The following SPTLC2 variants were observed in gnomAD, a reference collection of about 807,000 sequenced individuals.
The protein encoded by SPTLC2 is serine palmitoyltransferase long chain base subunit 2, also known as serine palmitoyltransferase 2.
In SPTLC2, 21 loss-of-function variants were observed where a neutral mutation model predicts 62.0. That is an observed-to-expected ratio of 0.34 (90% confidence interval 0.24 to 0.49). SPTLC2 has a LOEUF of 0.49. Ranked by LOEUF, SPTLC2 falls within the 20% of genes least tolerant of loss-of-function variation. The probability of loss-of-function intolerance (pLI) is 0.99; values close to 1 mark genes in which losing one functional copy is unlikely to be tolerated. For synonymous variants in SPTLC2, 261 were observed against 261.8 expected (o/e 1.00, Z 0.03); for missense variants, 511 against 713.0 (o/e 0.72, Z 3.23).
At chr14:77,560,697 T>C (rs2079610044) in intron 6 of SPTLC2, among the ~76,000 whole-genome samples, 3 of 151,888 alleles carry the variant, frequency 2.0e-5, no homozygotes, top group Non-Finnish European at 4.4e-5. Context: ...AATGAGATCA[T>C]GTCCTTTGCA....
At chr14:77,555,201 C>T (rs774513520) in intron 8 of SPTLC2, 99 bp downstream of exon 8, 104 of 1,421,870 alleles carry the variant, frequency 7.3e-5, no homozygotes, top group Non-Finnish European at 9.3e-5. Context: ...GGCAAATTTG[C>T]GGACATCCCA....
chr14:77,598,671 C>T (rs917747197), intron 1 of SPTLC2, among the ~76,000 whole-genome samples: 1 of 152,192 alleles, frequency 6.6e-6, no homozygotes, highest in African/African-American at 2.4e-5. Flanking sequence ...GTGGCGCATG[C>T]CTGTAATCCT....
chr14:77,608,901 G>T (rs566144341), intron 1 of SPTLC2, among the ~76,000 whole-genome samples: 1 of 147,270 alleles, frequency 6.8e-6, no homozygotes, highest in African/African-American at 2.5e-5. Flanking sequence ...CTGGGTGACA[G>T]ATTGAGGCTC....
intron 2 of SPTLC2, among the ~76,000 whole-genome samples, chr14:77,586,202 A>T (rs1190588178): frequency 6.6e-6 from 1 of 151,628 alleles, no homozygotes; most frequent in Non-Finnish European, 1.5e-5. Flanking sequence ...CAGCCTCTCA[A>T]GTAGTTGGGA....
intron 2 of SPTLC2, among the ~76,000 whole-genome samples, chr14:77,584,941 C>T (rs142320780): frequency 6.6e-6 from 1 of 152,356 alleles, no homozygotes; most frequent in Non-Finnish European, 1.5e-5. Context: ...TTTGCACCAG[C>T]GTAGGAGGCA....
At chr14:77,610,090 G>T (rs1047793658) in intron 1 of SPTLC2, among the ~76,000 whole-genome samples, 1 of 152,024 alleles carries the variant, frequency 6.6e-6, no homozygotes, top group Non-Finnish European at 1.5e-5. Flanking sequence ...TTAATACCTG[G>T]TTTATTATTT....
chr14:77,538,564 T>A (rs2079482845), intron 9 of SPTLC2, among the ~76,000 whole-genome samples: 1 of 152,150 alleles, frequency 6.6e-6, no homozygotes, highest in Non-Finnish European at 1.5e-5. Flanking sequence ...TAGTTTTAAT[T>A]TGGTTCTATA....
intron 10 of SPTLC2, among the ~76,000 whole-genome samples, chr14:77,518,587 G>A: frequency 1.1e-5 from 1 of 92,108 alleles, no homozygotes. Context: ...ACAGAGCAAG[G>A]CTCTGTCTCA....
rs916110594 is a variant in SPTLC2, at chr14:77,509,383, G to A, written c.*2901C>T. 6.6e-6 allele frequency: 1 copy of A among 152,222 alleles called. No homozygotes were observed. The highest frequency in any genetic ancestry group is 2.4e-5 in the African/African-American group (1 of 41,414). 9.4% of individuals were successfully genotyped at this position (152,222 alleles called of 1,614,324 possible). On this transcript the variant is annotated 3_prime_UTR_variant, in exon 12 of 12. Transcript: ENST00000216484. ...TGGGCTTTTGACATCTCCTAGCTAT[G>A]CATTTCCTGGCTTCTGATGTGATCT...
intron 9 of SPTLC2, among the ~76,000 whole-genome samples, chr14:77,551,084 T>A (rs549430989): frequency 2.6e-5 from 4 of 151,914 alleles, no homozygotes; most frequent in Non-Finnish European, 5.9e-5. Context: ...CCAAACTGAC[T>A]TTACAAGCAT....
intron 9 of SPTLC2, among the ~76,000 whole-genome samples, chr14:77,540,309 C>CA (rs879381522): frequency 8.7e-5 from 13 of 149,584 alleles, no homozygotes; most frequent in African/African-American, 2.7e-4. Flanking sequence ...CTGAAACATA[C>CA]AAAAAAAATG....
intron 11 of SPTLC2, among the ~76,000 whole-genome samples, chr14:77,517,143 G>A (rs1347873558): frequency 6.6e-6 from 1 of 152,176 alleles, no homozygotes; most frequent in African/African-American, 2.4e-5. Context: ...CTACTCAGGG[G>A]GCTGAGGCAG....
chr14:77,505,997 T>C lies in SPTLC2; in HGVS notation c.*6287A>G, dbSNP rs929063358. 3 of 152,210 alleles carry C rather than the reference T, an allele frequency of 2.0e-5. 1 individual carries two copies. The highest frequency in any genetic ancestry group is 4.1e-4 in the South Asian group (2 of 4,836). The allele number at this position is 152,210 out of a possible 1,614,324, so 9.4% of individuals were successfully genotyped here. A position where few individuals can be genotyped will look rare whatever the true frequency, so the allele number is the denominator to read the frequency against. ...TTGGTTGAATGAATAAAGGCAGATATATCTTTCTGAATATTTTATTAGGGC... is the reference window on the plus strand; with the variant it reads ...TTGGTTGAATGAATAAAGGCAGATACATCTTTCTGAATATTTTATTAGGGC... On this transcript the variant is annotated 3_prime_UTR_variant, in exon 12 of 12. Coordinates refer to ENST00000216484, the MANE Select transcript of SPTLC2 (RefSeq NM_004863.4).
chr14:77,551,114 C>A (rs58905756), intron 9 of SPTLC2, among the ~76,000 whole-genome samples: 3,425 of 152,090 alleles, frequency 0.023, 107 homozygotes, highest in African/African-American at 0.078. Flanking sequence ...AACAACTGGG[C>A]CGGGCACGGT....
intron 2 of SPTLC2, among the ~76,000 whole-genome samples, chr14:77,580,236 G>A (rs1166548444): frequency 6.6e-6 from 1 of 152,130 alleles, no homozygotes; most frequent in Non-Finnish European, 1.5e-5. Flanking sequence ...ACTTTGGGAG[G>A]CCGAGGTGGG....
chr14:77,589,295 G>A (rs1477272637), intron 2 of SPTLC2, among the ~76,000 whole-genome samples: 1 of 151,844 alleles, frequency 6.6e-6, no homozygotes, highest in African/African-American at 2.4e-5. Context: ...CTGTTTCTAT[G>A]CTGTCCATGA....
intron 9 of SPTLC2, among the ~76,000 whole-genome samples, chr14:77,528,038 T>C (rs919786010): frequency 9.8e-5 from 15 of 152,308 alleles, no homozygotes; most frequent in African/African-American, 2.6e-4. Flanking sequence ...TCAGCCAGAG[T>C]TGATCTCCTA....
At chr14:77,597,746 C>T (rs144893838) in intron 1 of SPTLC2, among the ~76,000 whole-genome samples, 11 of 151,122 alleles carry the variant, frequency 7.3e-5, no homozygotes, top group Non-Finnish European at 1.6e-4. Flanking sequence ...TGCACTCCTG[C>T]CTGGGTGACA....
Position 77,557,146 on chromosome 14 carries a change from T to C in SPTLC2, c.851A>G (p.Asn284Ser), listed in dbSNP as rs1215657575. ...GATIRIFKHN[N>S]MQSLEKLLKD... ...CAATAGCTTCTCTAGGCTTTGCATATCTACAGAGCACAAAAAAGAACAGTT... is the reference window on the plus strand; with the variant it reads ...CAATAGCTTCTCTAGGCTTTGCATACCTACAGAGCACAAAAAAGAACAGTT... The change falls in exon 7 of 12, where the codon AAT (asparagine) becomes AGT (serine). Residue 284 changes from asparagine (N) to serine (S), a missense_variant and splice_region_variant. Physicochemically the swap from Asn to Ser is conservative, Grantham distance 46 (BLOSUM62 1). Coordinates refer to ENST00000216484, the MANE Select transcript of SPTLC2 (RefSeq NM_004863.4). The C allele has an allele frequency of 6.2e-7, 1 of 1,612,388 alleles. No homozygotes were observed. Among genetic ancestry groups the C allele is most frequent in the Admixed American group, 1.7e-5 (1 of 60,016 alleles).
Sources: gnomAD v4.1 joint callset for allele counts (sites outside exome capture counted in the v4.1 genomes callset) on GRCh38, gnomAD v4.1.1 for gene constraint, MANE v1.5 for transcripts, NCBI Gene and HGNC (gene_info 2026-07-23, HGNC 2026-07-21) for gene names.